CSMD1: variants seen among roughly 807,000 people sequenced by gnomAD.
The protein encoded by CSMD1 is CUB and Sushi multiple domains 1, also known as CUB and sushi domain-containing protein 1.
Under a neutral mutation model 417.5 loss-of-function variants are expected in CSMD1, and 213 were observed. The ratio of observed to expected loss-of-function variants is 0.51; its 90% CI spans 0.46 to 0.57. CSMD1 has a LOEUF of 0.57. Among genes scored for constraint, CSMD1 ranks in the 20% least tolerant of loss-of-function variants. The pLI, the probability that CSMD1 is intolerant of heterozygous loss-of-function variation, is 0.00. For missense variants in CSMD1, 6,923 were observed against 4,529.7 expected (o/e 1.53, Z -15.17); for synonymous variants, 2,862 against 1,736.8 (o/e 1.65, Z -16.11).
intron 1 of CSMD1, among the ~76,000 whole-genome samples, chr8:4,675,503 A>C (rs1201677025): frequency 6.6e-6 from 1 of 152,218 alleles, no homozygotes; most frequent in African/African-American, 2.4e-5. Flanking sequence ...AAATCAAACC[A>C]GAATCAAGAC....
intron 12 of CSMD1, among the ~76,000 whole-genome samples, chr8:3,433,045 T>A (rs1164788492): frequency 6.6e-6 from 1 of 152,212 alleles, no homozygotes; most frequent in African/African-American, 2.4e-5. Context: ...TAAATTTACT[T>A]GAAAACTGTG....
intron 5 of CSMD1, among the ~76,000 whole-genome samples, chr8:3,915,136 T>G (rs891490988): frequency 2.0e-5 from 3 of 152,028 alleles, no homozygotes; most frequent in Non-Finnish European, 4.4e-5. Context: ...TTGGGAGTAG[T>G]AGTTCACGCC....
intron 1 of CSMD1, among the ~76,000 whole-genome samples, chr8:4,754,735 G>C (rs1158943701): frequency 1.3e-5 from 2 of 152,032 alleles, no homozygotes; most frequent in East Asian, 1.9e-4. Context: ...TGTAGTCCCA[G>C]CTACTCAGGA....
At chr8:3,630,699 G>A (rs931074584) in intron 7 of CSMD1, among the ~76,000 whole-genome samples, 1 of 149,602 alleles carries the variant, frequency 6.7e-6, no homozygotes, top group Non-Finnish European at 1.5e-5. Flanking sequence ...TGAGTGGTTT[G>A]CTTCCAAGAA....
At chr8:3,281,986 G>T (rs1021853009) in intron 26 of CSMD1, among the ~76,000 whole-genome samples, 2 of 152,090 alleles carry the variant, frequency 1.3e-5, no homozygotes, top group East Asian at 1.9e-4. Context: ...TTCCCCGGTC[G>T]TGGAAGATGT....
At chr8:3,928,849 A>G (rs1809937356) in intron 5 of CSMD1, among the ~76,000 whole-genome samples, 1 of 136,762 alleles carries the variant, frequency 7.3e-6, no homozygotes, top group Non-Finnish European at 1.5e-5. Flanking sequence ...CTGTCACTAT[A>G]CAAGGGTAGG....
chr8:3,916,975 G>C (rs535726019), intron 5 of CSMD1, among the ~76,000 whole-genome samples: 69 of 152,084 alleles, frequency 4.5e-4, no homozygotes, highest in African/African-American at 1.5e-3. Flanking sequence ...TATTTCCTGA[G>C]GCAAAATGGT....
intron 25 of CSMD1, 99 bp from the exon 26 acceptor site, chr8:3,284,445 C>G (rs1475295891): frequency 7.2e-6 from 6 of 833,244 alleles, no homozygotes; most frequent in Admixed American, 2.1e-5. Context: ...TCACACAACC[C>G]CCACCAACAT....
intron 7 of CSMD1, among the ~76,000 whole-genome samples, chr8:3,634,138 G>C (rs1046659439): frequency 6.6e-6 from 1 of 152,164 alleles, no homozygotes; most frequent in Non-Finnish European, 1.5e-5. Flanking sequence ...CTGGGAAGTA[G>C]CCTCTAAACC....
rs763582120 is a variant in CSMD1 at position 3,759,368 on chromosome 8, C to G, written c.819-5326G>C. 3.9e-4 allele frequency among the ~76,000 whole-genome samples: 60 copies of G among 152,062 alleles called. 1 individual carries two copies. Among genetic ancestry groups the G allele is most frequent in the Non-Finnish European group, 7.6e-4 (52 of 68,028 alleles). ...GACACAATTCTTATCTATTCATAAC[C>G]TTACTGAATCCAGGCAGTTTAAACC... On this transcript the variant is annotated intron_variant, in intron 5 of 69. Coordinates refer to ENST00000635120, the MANE Select transcript of CSMD1 (RefSeq NM_033225.6).
At chr8:3,926,193 G>T (rs940211410) in intron 5 of CSMD1, among the ~76,000 whole-genome samples, 1 of 151,786 alleles carries the variant, frequency 6.6e-6, no homozygotes, top group Non-Finnish European at 1.5e-5. Context: ...TCCCAGACAT[G>T]ATTTTAAGTA....
chr8:3,253,666 G>A (rs1158600092), intron 26 of CSMD1, among the ~76,000 whole-genome samples: 2 of 152,070 alleles, frequency 1.3e-5, no homozygotes, highest in Non-Finnish European at 2.9e-5. Context: ...GGGAGTCTAA[G>A]TCTCTTTGTA....
chr8:4,769,611 G>C (rs947912308), intron 1 of CSMD1, among the ~76,000 whole-genome samples: 2 of 152,096 alleles, frequency 1.3e-5, no homozygotes, highest in South Asian at 4.1e-4. Context: ...AATATTCTAA[G>C]ATAATTTCTG....
chr8:4,081,038 G>A (rs867346256), intron 3 of CSMD1, among the ~76,000 whole-genome samples: 23 of 152,208 alleles, frequency 1.5e-4, no homozygotes, highest in Middle Eastern at 6.8e-3. Context: ...GCCATGGAGG[G>A]ACACAAAGTT....
intron 3 of CSMD1, among the ~76,000 whole-genome samples, chr8:4,341,386 A>G (rs1225394863): frequency 1.3e-5 from 2 of 152,142 alleles, no homozygotes; most frequent in Non-Finnish European, 2.9e-5. Flanking sequence ...ATAATTTAGT[A>G]CTGAAGAAAG....
chr8:3,310,978 G>C (rs1805296241), intron 23 of CSMD1, among the ~76,000 whole-genome samples: 1 of 152,138 alleles, frequency 6.6e-6, no homozygotes, highest in African/African-American at 2.4e-5. Context: ...TGAAAGCCTG[G>C]ACTAAGAAGT....
At chr8:4,976,050 T>C (rs927208559) in intron 1 of CSMD1, among the ~76,000 whole-genome samples, 1 of 152,214 alleles carries the variant, frequency 6.6e-6, no homozygotes, top group African/African-American at 2.4e-5. Context: ...TAATAATTTC[T>C]TAAGCATAAG....
At chr8:4,265,993 G>C (rs1804206710) in intron 3 of CSMD1, among the ~76,000 whole-genome samples, 1 of 103,742 alleles carries the variant, frequency 9.6e-6, no homozygotes, top group African/African-American at 2.6e-5. Flanking sequence ...GTGTGCGTTT[G>C]GGCTGTGTAA....
At chr8:4,525,414 C>T (rs551482670) in intron 2 of CSMD1, among the ~76,000 whole-genome samples, 2 of 152,136 alleles carry the variant, frequency 1.3e-5, no homozygotes, top group Non-Finnish European at 2.9e-5. Flanking sequence ...TCATTCCCAA[C>T]AATGGGAATG....
Sources: gnomAD v4.1 joint callset for allele counts (sites outside exome capture counted in the v4.1 genomes callset) on GRCh38, gnomAD v4.1.1 for gene constraint, MANE v1.5 for transcripts, NCBI Gene and HGNC (gene_info 2026-07-23, HGNC 2026-07-21) for gene names.